AZIN2: variants seen among roughly 807,000 people sequenced by gnomAD.
AZIN2 encodes the protein antizyme inhibitor 2, also known as ODC antizyme inhibitor-2.
A neutral mutation model predicts 47.8 loss-of-function variants in AZIN2; 28 were observed. The ratio of observed to expected loss-of-function variants is 0.59; its 90% CI spans 0.43 to 0.80. The LOEUF is 0.80. Ranked by LOEUF, AZIN2 falls within the 30% of genes least tolerant of loss-of-function variation. The pLI, the probability that AZIN2 is intolerant of heterozygous loss-of-function variation, is 0.00. For synonymous variants in AZIN2, 221 were observed against 239.4 expected, an observed-to-expected ratio of 0.92 and a Z score of 0.71; for missense variants, 535 against 582.5, an observed-to-expected ratio of 0.92 and a Z score of 0.84.
the AZIN2 span, among the ~76,000 whole-genome samples, chr1:33,138,033 C>T: frequency 2.1e-4 from 32 of 152,240 alleles, no homozygotes; most frequent in South Asian, 6.6e-3. Context: ...TGCAGGGGGA[C>T]TGCATAACCA....
chr1:33,099,242 C>T (rs1185815690), intron 10 of AZIN2, among the ~76,000 whole-genome samples: 1 of 152,120 alleles, frequency 6.6e-6, no homozygotes, highest in Non-Finnish European at 1.5e-5. Flanking sequence ...GCTCTTCCTG[C>T]CCCTTATCCC....
the AZIN2 span, chr1:33,165,659 G>T: frequency 8.9e-7 from 1 of 1,118,950 alleles, no homozygotes; most frequent in Non-Finnish European, 1.2e-6. This position sits in a 1 kb window ranked among gnomAD's most constrained non-coding sequence, Gnocchi z 4.0. Flanking sequence ...GGTTAGCCTG[G>T]TCTCTGTCCC....
the AZIN2 span, among the ~76,000 whole-genome samples, chr1:33,166,660 G>A: frequency 3.9e-5 from 6 of 152,262 alleles, no homozygotes; most frequent in South Asian, 2.1e-4. Flanking sequence ...ATTGGAACCC[G>A]GACAGCCTGG....
the AZIN2 span, among the ~76,000 whole-genome samples, chr1:33,157,015 C>G: frequency 5.9e-5 from 9 of 151,576 alleles, no homozygotes; most frequent in Admixed American, 2.0e-4. Flanking sequence ...ACCCATTTCC[C>G]AGCCCCCATC....
chr1:33,089,836 C>A (rs772268097), intron 5 of AZIN2, among the ~76,000 whole-genome samples: 5 of 152,212 alleles, frequency 3.3e-5, no homozygotes, highest in Non-Finnish European at 7.3e-5. Context: ...ACTCTTATTA[C>A]AAAATCAGGA....
chr1:33,092,242 T>C lies in AZIN2; in HGVS notation c.452+20T>C, dbSNP rs749970470. The C allele has an allele frequency of 6.3e-7, 1 of 1,590,486 alleles. No individual in the cohort carries two copies. Among genetic ancestry groups the C allele is most frequent in the East Asian group, 2.3e-5 (1 of 43,198 alleles). ...TGCCAAGTAAGCTGAGAACCACTCATGGGGAGGCTGGGCTGTGGGGAGCCT... is the reference window on the plus strand; with the variant it reads ...TGCCAAGTAAGCTGAGAACCACTCACGGGGAGGCTGGGCTGTGGGGAGCCT... On this transcript the variant is annotated intron_variant, in intron 6 of 11. Coordinates refer to ENST00000294517, the MANE Select transcript of AZIN2 (RefSeq NM_052998.4).
In AZIN2 at chr1:33,118,074, C is replaced by A. The variant is rs576544248; in HGVS notation, c.1202C>A (p.Thr401Asn). Residue 401 changes from threonine to asparagine, a missense_variant, in exon 11 of 12, where the codon ACC (threonine) becomes AAC (asparagine). Transcript: ENST00000294517. ...GGCATGGGTTCCCCCTTTTGGGGGA[C>A]CCAGGCCTGCCACATCACCTATGCC... ...TVGMGSPFWG[T>N]QACHITYAMS... 1.7e-4 allele frequency: 252 copies of A among 1,522,016 alleles called. No individual in the cohort carries two copies. Among genetic ancestry groups the A allele is most frequent in the Non-Finnish European group, 2.2e-4 (249 of 1,138,860 alleles). The allele number at this position is 1,522,016 out of a possible 1,614,324, so 94.3% of individuals were successfully genotyped here.
Position 33,092,185 on chromosome 1 carries a change from G to A in AZIN2, c.415G>A (p.Glu139Lys), listed in dbSNP as rs769747636. The A allele has an allele frequency of 1.4e-5, 22 of 1,614,068 alleles. No individual in the cohort carries two copies. In the African/African-American group the frequency reaches 2.5e-4, roughly 19 times the overall value. Residue 139 changes from glutamate to lysine, a missense_variant, in exon 6 of 12, where the codon GAG becomes AAG. Coordinates refer to ENST00000294517, the MANE Select transcript of AZIN2 (RefSeq NM_052998.4). ...GCTGCTGAGCTTTGACAATGAGATGGAGCTGGCAAAGGTGGTAAAGAGCCA... is the reference window on the plus strand; with the variant it reads ...GCTGCTGAGCTTTGACAATGAGATGAAGCTGGCAAAGGTGGTAAAGAGCCA... ...IQLLSFDNEM[E>K]LAKVVKSHPS... is the part of the protein sequence containing the mutation.
chr1:33,084,222 C>A, intron 5 of AZIN2, 95 bp downstream of exon 5: 3 of 1,479,464 alleles, frequency 2.0e-6, no homozygotes, highest in South Asian at 1.2e-5. Flanking sequence ...GCAAGAGGTA[C>A]CTGTAGTTGG....
At chr1:33,082,759 G>T (rs1641427248) in intron 4 of AZIN2, 1 of 180,046 alleles carries the variant, frequency 5.6e-6, no homozygotes, top group Admixed American at 5.4e-5. Context: ...CCCTCCAAAG[G>T]TATCATAGTC....
At chr1:33,126,880 T>TTG (rs1215912437), downstream of AZIN2, among the ~76,000 whole-genome samples, 1 of 152,226 alleles carries the variant, frequency 6.6e-6, no homozygotes, top group Non-Finnish European at 1.5e-5. Flanking sequence ...ACTAAAGCAT[T>TTG]ACTCGTCGTT....
the AZIN2 span, among the ~76,000 whole-genome samples, chr1:33,139,737 C>T: frequency 6.6e-6 from 1 of 152,158 alleles, no homozygotes; most frequent in African/African-American, 2.4e-5. Flanking sequence ...GGCCATTAGC[C>T]TGTATTGGGC....
At chr1:33,161,329 C>T in the AZIN2 span, among the ~76,000 whole-genome samples, 23 of 152,256 alleles carry the variant, frequency 1.5e-4, no homozygotes, top group Middle Eastern at 3.4e-3. The surrounding 1 kb of genome is among the most constrained non-coding windows in gnomAD (Gnocchi z 4.3). Context: ...AACGTCAGGA[C>T]GACACGGGCT....
intron 5 of AZIN2, among the ~76,000 whole-genome samples, chr1:33,090,692 T>G (rs1295956362): frequency 6.6e-6 from 1 of 152,212 alleles, no homozygotes. Context: ...CATACTTACC[T>G]TTTTTTGTGG....
chr1:33,160,074 A>C, the AZIN2 span: 1 of 1,179,556 alleles, frequency 8.5e-7, no homozygotes, highest in South Asian at 1.5e-5. Flanking sequence ...GGTGGGGGAA[A>C]TGTCACATGC....
rs1644821267 is a variant in AZIN2, at chr1:33,122,901, C to T, written c.*2719C>T. 1.3e-5 allele frequency among the ~76,000 whole-genome samples: 2 copies of T among 152,300 alleles called. No homozygotes were observed. Among genetic ancestry groups the T allele is most frequent in the South Asian group, 2.1e-4 (1 of 4,828 alleles). On this transcript the variant is annotated 3_prime_UTR_variant, in exon 12 of 12. Transcript: ENST00000294517. Reference sequence around the variant, plus strand: ...TGGCCCCTTCTTCCCCTTTCCCCTCCACAGTCCATCCTCCACTCAGCAGCC... The same window carrying T: ...TGGCCCCTTCTTCCCCTTTCCCCTCTACAGTCCATCCTCCACTCAGCAGCC...
intron 10 of AZIN2, among the ~76,000 whole-genome samples, chr1:33,111,234 G>T (rs1012042620): frequency 1.3e-5 from 2 of 152,110 alleles, no homozygotes; most frequent in Admixed American, 6.6e-5. Flanking sequence ...AAAATGAGGG[G>T]GCTGAACTTT....
At chr1:33,086,705 C>T (rs941794238) in intron 5 of AZIN2, among the ~76,000 whole-genome samples, 1 of 152,190 alleles carries the variant, frequency 6.6e-6, no homozygotes, top group Non-Finnish European at 1.5e-5. Context: ...GCCACCTGCC[C>T]GAGGACCACT....
downstream of AZIN2, among the ~76,000 whole-genome samples, chr1:33,124,147 CAG>C (rs1366145180): frequency 6.6e-6 from 1 of 152,100 alleles, no homozygotes; most frequent in East Asian, 1.9e-4. This position sits in a 1 kb window ranked among gnomAD's most constrained non-coding sequence, Gnocchi z 4.6. Flanking sequence ...GCCTAGGCGA[CAG>C]GGCAAGACTC....
Sources: allele counts gnomAD v4.1 joint callset (sites outside exome capture counted in the v4.1 genomes callset), GRCh38; gene constraint gnomAD v4.1.1; non-coding constraint Gnocchi (gnomAD v3.1); transcripts MANE v1.5; gene names NCBI Gene and HGNC (gene_info 2026-07-23, HGNC 2026-07-21).